Variants in FAM118B observed in about 807,000 individuals in gnomAD.
The protein encoded by FAM118B is protein FAM118B.
In FAM118B, 24 loss-of-function variants were observed where a neutral mutation model predicts 38.5. The observed-to-expected ratio is 0.62, with a 90% CI of 0.45 to 0.88. FAM118B has a LOEUF of 0.88. FAM118B is among the 40% of genes least tolerant of loss of function. FAM118B has a pLI of 0.00. For synonymous variants in FAM118B, 138 were observed against 156.3 expected (o/e 0.88, Z 0.87); for missense variants, 334 against 420.0 (o/e 0.80, Z 1.79).
chr11:126,237,825 C>A (rs1950300028), intron 3 of FAM118B, among the ~76,000 whole-genome samples: 1 of 142,014 alleles, frequency 7.0e-6, no homozygotes, highest in Non-Finnish European at 1.5e-5. Context: ...TCACTGCACT[C>A]CAGCCTGGCA....
chr11:126,219,625 C>A (rs957346706), intron 1 of FAM118B, among the ~76,000 whole-genome samples: 16 of 151,898 alleles, frequency 1.1e-4, no homozygotes, highest in African/African-American at 3.6e-4. Flanking sequence ...CTTTTTAGCT[C>A]TCTTGCTAAG....
At chr11:126,234,884 C>T (rs1950252072) in intron 2 of FAM118B, 111 bp from the exon 3 acceptor site, 4 of 729,602 alleles carry the variant, frequency 5.5e-6, no homozygotes, top group Non-Finnish European at 4.3e-6. Flanking sequence ...GGGGCACCTC[C>T]AAAACACCTT....
intron 4 of FAM118B, among the ~76,000 whole-genome samples, chr11:126,249,969 A>T (rs1200693460): frequency 6.6e-6 from 1 of 151,956 alleles, no homozygotes; most frequent in East Asian, 1.9e-4. Context: ...AAAAATGCCT[A>T]TTTTAGGAAG....
intron 1 of FAM118B, among the ~76,000 whole-genome samples, chr11:126,224,301 T>C (rs1039438443): frequency 1.3e-5 from 2 of 151,932 alleles, no homozygotes; most frequent in African/African-American, 2.4e-5. Context: ...GACAAAACCC[T>C]GTCTCTACAA....
At chr11:126,254,940 C>A (rs1613078) in intron 6 of FAM118B, among the ~76,000 whole-genome samples, 61,326 of 152,088 alleles carry the variant, frequency 0.4, 13,520 homozygotes, top group East Asian at 0.68. Context: ...ACCCTATGAT[C>A]TTTGTTTGTA....
chr11:126,214,490 G>GTTTTTTTCTTTTT (rs1949943166), intron 1 of FAM118B: 1 of 25,814 alleles, frequency 3.9e-5, no homozygotes, highest in Non-Finnish European at 7.4e-5. Context: ...TTTTGTTTCT[G>GTTTTTTTCTTTTT]TTTTTTTTTT....
rs1273791427 is a variant in FAM118B, at chr11:126,254,305, G to A, written c.568G>A (p.Val190Ile). Residue 190 changes from valine (V) to isoleucine (I), a missense_variant and splice_region_variant, in exon 6 of 9, where the codon GTC becomes ATC. Physicochemically the swap from Val to Ile is conservative, Grantham distance 29. This residue lies in a region of FAM118B where 240 missense variants were observed against 295.9 expected (regional missense o/e 0.81). Coordinates refer to ENST00000533050, the MANE Select transcript of FAM118B (RefSeq NM_024556.4). Reference sequence around the variant, plus strand: ...GTTGGGCTATATGTGTGTTGTGCAGGTCCTCGAGTGGGCTCAGGAGAAGCG... The same window carrying A: ...GTTGGGCTATATGTGTGTTGTGCAGATCCTCGAGTGGGCTCAGGAGAAGCG... ...ESLDLTDEKK[V>I]LEWAQEKRKL... The A allele has an allele frequency of 6.2e-7, 1 of 1,613,768 alleles. No homozygotes were observed. The highest frequency in any genetic ancestry group is 1.3e-5 in the African/African-American group (1 of 75,028).
chr11:126,261,241 G>C (rs976728921), intron 7 of FAM118B, 184 bp from the exon 8 acceptor site: 5 of 578,782 alleles, frequency 8.6e-6, no homozygotes, highest in African/African-American at 7.4e-5. Flanking sequence ...GTTAGGTAAT[G>C]CAAGTCTAAA....
intron 4 of FAM118B, among the ~76,000 whole-genome samples, chr11:126,249,452 G>T (rs1307232853): frequency 1.3e-5 from 2 of 150,968 alleles, no homozygotes; most frequent in Non-Finnish European, 3.0e-5. Flanking sequence ...AGATGCTGAG[G>T]CTGGGTGTGG....
chr11:126,236,010 T>A (rs1254926729), intron 3 of FAM118B, among the ~76,000 whole-genome samples: 1 of 152,214 alleles, frequency 6.6e-6, no homozygotes, highest in Non-Finnish European at 1.5e-5. Context: ...ATAAATCTCC[T>A]AGCTATACTG....
At chr11:126,258,366 A>G (rs1237031332) in intron 7 of FAM118B, among the ~76,000 whole-genome samples, 4 of 152,234 alleles carry the variant, frequency 2.6e-5, no homozygotes, top group African/African-American at 9.6e-5. Context: ...CAGTCTGAGC[A>G]ATAAAGCAAG....
At position 126,256,599 on chromosome 11, in the gene FAM118B, A is replaced by G; in HGVS notation, c.729A>G (p.Ser243=). The part of the protein sequence containing the change: ...REIQKLYENK[S]FLFLGCGWTV... ...TTCAGAAACTCTACGAAAACAAGTC[A>G]TTTCTTTTCCTGGGCTGTGGCTGGA... The change falls in exon 7 of 9, where the codon TCA becomes TCG. Residue 243 remains serine (S), a synonymous_variant. Transcript: ENST00000533050. The surrounding 1 kb of genome is among the most constrained non-coding windows in gnomAD (Gnocchi z 6.6). 1.2e-6 allele frequency: 2 copies of G among 1,613,918 alleles called. No individual in the cohort carries two copies. The highest frequency in any genetic ancestry group is 1.7e-6 in the Non-Finnish European group (2 of 1,179,950).
At chr11:126,249,164 C>T (rs539038857) in intron 4 of FAM118B, among the ~76,000 whole-genome samples, 11 of 151,198 alleles carry the variant, frequency 7.3e-5, no homozygotes, top group Non-Finnish European at 8.8e-5. Context: ...CTTGAGATCC[C>T]AGGAATTCAA....
At chr11:126,233,637 AACTC>A in intron 2 of FAM118B, 1 of 428,654 alleles carries the variant, frequency 2.3e-6, no homozygotes, top group Non-Finnish European at 4.6e-6. Flanking sequence ...TCTACTTCCT[AACTC>A]ACTACTGTGA....
intron 7 of FAM118B, among the ~76,000 whole-genome samples, chr11:126,257,436 T>C (rs890114299): frequency 6.6e-6 from 1 of 152,048 alleles, no homozygotes; most frequent in Non-Finnish European, 1.5e-5. Context: ...CTAAAATTGG[T>C]GGAGATTCTA....
chr11:126,249,731 C>CAAAAA lies in FAM118B; in HGVS notation c.340-756_340-752dup, dbSNP rs71048775. ...TGGGTGACAGAATGAGACTCCGTCT[C>CAAAAA]AAAAAAAAAAAAAAAAAAAAAAAGA... is the stretch of plus-strand genomic sequence containing the variant. On this transcript the variant is annotated intron_variant, in intron 4 of 8. Transcript: ENST00000533050. 1.3e-3 allele frequency among the ~76,000 whole-genome samples: 104 copies of CAAAAA among 78,930 alleles called. 1 individual carries two copies. Among genetic ancestry groups the CAAAAA allele is most frequent in the Non-Finnish European group, 2.0e-3 (86 of 43,488 alleles). 51.8% of individuals were successfully genotyped at this position (78,930 alleles called of 152,430 possible).
chr11:126,234,959 A>G (rs762301641), intron 2 of FAM118B, 36 bp from the exon 3 acceptor site: 1 of 1,491,152 alleles, frequency 6.7e-7, no homozygotes. Context: ...TACTTTACAG[A>G]TCTAATTGTG....
intron 3 of FAM118B, among the ~76,000 whole-genome samples, chr11:126,239,686 G>C (rs1481918131): frequency 6.6e-6 from 1 of 152,066 alleles, no homozygotes; most frequent in African/African-American, 2.4e-5. Context: ...GCTAATTTTT[G>C]TATTTTTAGT....
intron 1 of FAM118B, among the ~76,000 whole-genome samples, chr11:126,227,226 C>G (rs1020207362): frequency 6.6e-6 from 1 of 152,104 alleles, no homozygotes; most frequent in Middle Eastern, 3.4e-3. Flanking sequence ...CCATGCCCAG[C>G]TGATTTTTGT....
Sources: gnomAD v4.1 joint callset for allele counts (sites outside exome capture counted in the v4.1 genomes callset) on GRCh38, gnomAD v4.1.1 for gene constraint, gnomAD v4.1.1 regional missense constraint, Gnocchi (gnomAD v3.1) non-coding constraint, MANE v1.5 for transcripts, NCBI Gene and HGNC (gene_info 2026-07-23, HGNC 2026-07-21) for gene names.